Variants in PACRG observed in about 807,000 individuals in gnomAD.
PACRG encodes the protein parkin coregulated.
Under a neutral mutation model 29.7 loss-of-function variants are expected in PACRG, and 29 were observed. The observed-to-expected ratio is 0.98, with a 90% CI of 0.73 to 1.33. The LOEUF (loss-of-function observed/expected upper bound fraction) is 1.33. PACRG is among the 40% of genes most tolerant of loss of function. The pLI, the probability that PACRG is intolerant of heterozygous loss-of-function variation, is 0.00. For synonymous variants in PACRG, 116 were observed against 118.7 expected (o/e 0.98, Z 0.15); for missense variants, 279 against 316.2 (o/e 0.88, Z 0.89).
At chr6:162,995,338 G>C (rs1803900079) in intron 2 of PACRG, among the ~76,000 whole-genome samples, 1 of 151,166 alleles carries the variant, frequency 6.6e-6, no homozygotes, top group South Asian at 2.1e-4. Context: ...CCCTCCCCCA[G>C]CCTCGCTGCC....
Position 163,089,364 on chromosome 6 carries a change from AC to A in PACRG, c.571del (p.Arg191ValfsTer7). The A allele has an allele frequency of 6.2e-7, 1 of 1,614,134 alleles. No homozygotes were observed. The highest frequency in any genetic ancestry group is 1.1e-5 in the South Asian group (1 of 91,082). On this transcript the variant is annotated frameshift_variant, in exon 4 of 5. Transcript: ENST00000366888. LOFTEE classifies it high-confidence loss of function. Reference protein sequence around the residue: ...EMVGKALVPYYRQILPVLNIF... With the variant: ...EMVGKALVPYXRQILPVLNIF... ...GTGGGCAAGGCCTTGGTGCCTTATT[AC>A]CGTCAAATCCTCCCTGTCCTGAACA... is the stretch of plus-strand genomic sequence containing the variant.
chr6:163,000,444 G>A (rs1804480587), intron 2 of PACRG, among the ~76,000 whole-genome samples: 1 of 152,114 alleles, frequency 6.6e-6, no homozygotes, highest in African/African-American at 2.4e-5. Flanking sequence ...CATACCAGTG[G>A]GTCCTGTGTG....
intron 4 of PACRG, among the ~76,000 whole-genome samples, chr6:163,266,056 T>G (rs1165738993): frequency 1.3e-5 from 2 of 152,200 alleles, no homozygotes; most frequent in African/African-American, 4.8e-5. Context: ...AAGTCATTTG[T>G]GTTTAATTGA....
chr6:163,100,162 C>T (rs2104282), intron 4 of PACRG, among the ~76,000 whole-genome samples: 2,153 of 152,156 alleles, frequency 0.014, 41 homozygotes, highest in African/African-American at 0.043. Flanking sequence ...GAACCCACCA[C>T]GGCCTCCCCT....
chr6:162,972,785 A>G (rs1165416102), intron 2 of PACRG, among the ~76,000 whole-genome samples: 1 of 152,186 alleles, frequency 6.6e-6, no homozygotes, highest in Non-Finnish European at 1.5e-5. Flanking sequence ...TGTCTGCTCT[A>G]CGTCTTCCAC....
At chr6:162,807,567 G>T (rs1180798201) in intron 1 of PACRG, among the ~76,000 whole-genome samples, 1 of 152,140 alleles carries the variant, frequency 6.6e-6, no homozygotes, top group Non-Finnish European at 1.5e-5. Flanking sequence ...GGAGCAGTTA[G>T]AACACAAACA....
At chr6:162,890,182 A>G (rs1794651666) in intron 2 of PACRG, among the ~76,000 whole-genome samples, 2 of 152,218 alleles carry the variant, frequency 1.3e-5, no homozygotes, top group South Asian at 2.1e-4. Flanking sequence ...CAAGTGATGA[A>G]CCCTTCCCAT....
At chr6:162,746,573 T>G (rs1406079361) in intron 1 of PACRG, among the ~76,000 whole-genome samples, 1 of 152,238 alleles carries the variant, frequency 6.6e-6, no homozygotes, top group Non-Finnish European at 1.5e-5. Context: ...CAAAATTATC[T>G]TCTGTCATTA....
intron 4 of PACRG, among the ~76,000 whole-genome samples, chr6:163,146,162 A>G (rs1777796025): frequency 6.6e-6 from 1 of 152,076 alleles, no homozygotes; most frequent in Non-Finnish European, 1.5e-5. Context: ...TCTTTTATAA[A>G]TCTTTGTGCA....
chr6:162,814,069 A>G (rs1787110099), intron 1 of PACRG, 78 bp from the exon 2 acceptor site: 1 of 1,433,628 alleles, frequency 7.0e-7, no homozygotes, highest in African/African-American at 1.4e-5. Context: ...GAAATCTTTA[A>G]AAACAGAAAG....
chr6:163,098,308 C>T (rs1405362833), intron 4 of PACRG, among the ~76,000 whole-genome samples: 1 of 152,204 alleles, frequency 6.6e-6, no homozygotes, highest in East Asian at 1.9e-4. Context: ...GCCTGCTTCT[C>T]AGCCTACGAG....
intron 2 of PACRG, among the ~76,000 whole-genome samples, chr6:163,027,278 T>A (rs1205101792): frequency 1.3e-5 from 2 of 152,222 alleles, no homozygotes; most frequent in African/African-American, 4.8e-5. Context: ...TTCCTCAAGG[T>A]TCGTCTGACT....
chr6:162,997,544 G>T (rs778013560), intron 2 of PACRG: 1 of 408,960 alleles, frequency 2.4e-6, no homozygotes, highest in Non-Finnish European at 4.8e-6. Context: ...TCAATGTCAA[G>T]GTGGGCCCAA....
intron 1 of PACRG, among the ~76,000 whole-genome samples, chr6:162,787,628 CCTCT>C (rs1784612289): frequency 1.8e-5 from 1 of 55,516 alleles, no homozygotes; most frequent in African/African-American, 7.1e-5. Context: ...ATATGGTTGT[CCTCT>C]CTCTTTTGCT....
At chr6:162,870,623 TG>T (rs1455511735) in intron 2 of PACRG, among the ~76,000 whole-genome samples, 1 of 152,198 alleles carries the variant, frequency 6.6e-6, no homozygotes, top group Non-Finnish European at 1.5e-5. Context: ...GGCATTCTTA[TG>T]CCTTTGCGTC....
intron 4 of PACRG, among the ~76,000 whole-genome samples, chr6:163,125,856 A>G (rs1284408030): frequency 6.6e-6 from 1 of 152,258 alleles, no homozygotes; most frequent in Non-Finnish European, 1.5e-5. Context: ...TCAAAATAGT[A>G]AGAATTTCTG....
chr6:162,963,709 A>G (rs938956796), intron 2 of PACRG, among the ~76,000 whole-genome samples: 1 of 149,982 alleles, frequency 6.7e-6, no homozygotes, highest in African/African-American at 2.5e-5. Context: ...AATTTTATAC[A>G]TATAAAATTA....
chr6:162,900,683 G>A (rs983193735), intron 2 of PACRG, among the ~76,000 whole-genome samples: 3 of 152,016 alleles, frequency 2.0e-5, no homozygotes, highest in Non-Finnish European at 4.4e-5. Flanking sequence ...CAAACACACC[G>A]GCTTCCCCGC....
chr6:162,912,552 C>T (rs190780810), intron 2 of PACRG, among the ~76,000 whole-genome samples: 3 of 151,328 alleles, frequency 2.0e-5, no homozygotes, highest in East Asian at 3.9e-4. Flanking sequence ...ATGTTAAACA[C>T]ATAAGTCACA....
Sources: allele counts gnomAD v4.1 joint callset (sites outside exome capture counted in the v4.1 genomes callset), GRCh38; gene constraint gnomAD v4.1.1; transcripts MANE v1.5; gene names NCBI Gene and HGNC (gene_info 2026-07-23, HGNC 2026-07-21).